The following PRKAR1B variants were observed in gnomAD, a reference collection of about 807,000 sequenced individuals.
PRKAR1B encodes protein kinase cAMP-dependent type I regulatory subunit beta.
In PRKAR1B, 22 loss-of-function variants were observed where a neutral mutation model predicts 46.5. The observed-to-expected ratio is 0.47, with a 90% CI of 0.34 to 0.68. The LOEUF is 0.68. Ranked by LOEUF, PRKAR1B falls within the 30% of genes least tolerant of loss-of-function variation. The pLI is 0.01. For synonymous variants in PRKAR1B, 259 were observed against 217.7 expected, an observed-to-expected ratio of 1.19 and a Z score of -1.67; for missense variants, 445 against 535.6, an observed-to-expected ratio of 0.83 and a Z score of 1.67.
intron 10 of PRKAR1B, 46 bp downstream of exon 10, chr7:551,343 G>A: frequency 6.5e-7 from 1 of 1,533,616 alleles, no homozygotes; most frequent in Non-Finnish European, 8.8e-7. Flanking sequence ...GACCCCAAAT[G>A]AGATGGCCAC....
At chr7:570,515 G>A (rs1026191232) in intron 9 of PRKAR1B, among the ~76,000 whole-genome samples, 11 of 151,650 alleles carry the variant, frequency 7.3e-5, no homozygotes, top group Admixed American at 2.6e-4. Context: ...TTCAATACCC[G>A]TCCCCCCACT....
rs576668774 is a variant in PRKAR1B, at chr7:570,445, G to A, written c.891+8811C>T. Among the ~76,000 whole-genome samples, 103 of 151,960 alleles carry A rather than the reference G, an allele frequency of 6.8e-4. 1 individual carries two copies. Among genetic ancestry groups the A allele is most frequent in the African/African-American group, 2.0e-3 (82 of 41,434 alleles). On this transcript the variant is annotated intron_variant, in intron 9 of 10. Transcript: ENST00000537384. ...TTGCGTAGCCTCGCCCCACCCTCCC[G>A]CGCTCCTGTGTCCCCGAGGCTGTCA... is the stretch of plus-strand genomic sequence containing the variant.
intron 4 of PRKAR1B, among the ~76,000 whole-genome samples, chr7:612,396 AGATG>A (rs1272172885): frequency 9.2e-5 from 13 of 140,724 alleles, no homozygotes; most frequent in Admixed American, 9.2e-4. Context: ...GTGGATGGAT[AGATG>A]GATGGATGGA....
intron 1 of PRKAR1B, among the ~76,000 whole-genome samples, chr7:724,491 C>T (rs187708460): frequency 1.2e-4 from 18 of 152,310 alleles, no homozygotes; most frequent in Non-Finnish European, 2.1e-4. Context: ...TTCCCGCCTT[C>T]GGCCATCATT....
Position 644,989 on chromosome 7 carries a change from C to G in PRKAR1B, c.440+32240G>C, listed in dbSNP as rs1784555376. 6.6e-6 allele frequency among the ~76,000 whole-genome samples: 1 copy of G among 152,222 alleles called. No homozygotes were observed. The highest frequency in any genetic ancestry group is 6.5e-5 in the Admixed American group (1 of 15,288). On this transcript the variant is annotated intron_variant, in intron 4 of 10. Transcript: ENST00000537384. The surrounding 1 kb of genome is among the most constrained non-coding windows in gnomAD (Gnocchi z 4.9). The stretch of plus-strand genomic sequence containing the variant: ...CCGCAATGAGCCGTCTCTTCAGCCT[C>G]TATAAATAAGGCGCAGTGTGGACGA...
At chr7:551,517 G>C (rs146439336) in intron 9 of PRKAR1B, 47 bp from the exon 10 acceptor site, 4 of 1,535,010 alleles carry the variant, frequency 2.6e-6, no homozygotes, top group South Asian at 1.2e-5. Context: ...GGCGGGTGCA[G>C]GGTGGGACAC....
intron 2 of PRKAR1B, among the ~76,000 whole-genome samples, chr7:708,587 A>AG: frequency 6.6e-6 from 1 of 152,186 alleles, no homozygotes; most frequent in East Asian, 1.9e-4. Flanking sequence ...CCCTGGTTCA[A>AG]ACAATTCTCC....
intron 7 of PRKAR1B, among the ~76,000 whole-genome samples, chr7:586,824 G>A (rs13240563): frequency 0.57 from 85,994 of 151,554 alleles, 25,167 homozygotes; most frequent in East Asian, 0.84. Context: ...TGCTGCCAGG[G>A]ACCCTCCCAG....
chr7:616,137 G>C (rs1174870561), intron 4 of PRKAR1B, among the ~76,000 whole-genome samples: 2 of 152,170 alleles, frequency 1.3e-5, no homozygotes, highest in East Asian at 3.9e-4. Flanking sequence ...CACACTGGGT[G>C]GGTCTCAGCC....
chr7:628,838 AAGGAC>A, intron 4 of PRKAR1B, among the ~76,000 whole-genome samples: 1 of 26,094 alleles, frequency 3.8e-5, no homozygotes, highest in South Asian at 5.1e-3. Flanking sequence ...AGTCAGGCTC[AAGGAC>A]CCCCCAAGTC....
At chr7:623,942 T>C (rs575182194) in intron 4 of PRKAR1B, among the ~76,000 whole-genome samples, 1 of 152,294 alleles carries the variant, frequency 6.6e-6, no homozygotes, top group South Asian at 2.1e-4. Context: ...AGGTGGAGGA[T>C]GGCAAATTCC....
chr7:705,636 C>G (rs1385480267), intron 2 of PRKAR1B, among the ~76,000 whole-genome samples: 1 of 152,144 alleles, frequency 6.6e-6, no homozygotes, highest in Non-Finnish European at 1.5e-5. Context: ...GGAAAGGATC[C>G]AAGTGTTCCT....
chr7:726,624 G>C, intron 1 of PRKAR1B: 9 of 986,212 alleles, frequency 9.1e-6, no homozygotes, highest in Non-Finnish European at 1.2e-5. Context: ...GAAGTAGCCC[G>C]GCGCCCCGCC....
intron 9 of PRKAR1B, among the ~76,000 whole-genome samples, chr7:576,878 AAC>A (rs1779864931): frequency 6.6e-6 from 1 of 152,086 alleles, no homozygotes; most frequent in Non-Finnish European, 1.5e-5. Flanking sequence ...TCTCCAGCGA[AAC>A]ACACACTTCC....
At chr7:629,995 C>T (rs921699485) in intron 4 of PRKAR1B, among the ~76,000 whole-genome samples, 1 of 145,390 alleles carries the variant, frequency 6.9e-6, no homozygotes, top group East Asian at 2.1e-4. Context: ...GCTGCAGGAG[C>T]GGGGCCACGG....
At chr7:662,532 T>C (rs1276840260) in intron 4 of PRKAR1B, among the ~76,000 whole-genome samples, 1 of 109,748 alleles carries the variant, frequency 9.1e-6, no homozygotes, top group Non-Finnish European at 1.8e-5. Flanking sequence ...AAATACCTAC[T>C]CTCCACCCAG....
chr7:720,376 C>T (rs925782561), intron 1 of PRKAR1B, among the ~76,000 whole-genome samples: 5 of 152,192 alleles, frequency 3.3e-5, no homozygotes, highest in Admixed American at 2.0e-4. Context: ...AAGTCTTCTA[C>T]ATTTGCTAAG....
intron 4 of PRKAR1B, 88 bp from the exon 5 acceptor site, chr7:607,540 A>G (rs1312717280): frequency 8.7e-6 from 10 of 1,144,352 alleles, no homozygotes; most frequent in South Asian, 5.1e-5. Context: ...TCTTGTGTAA[A>G]TCGCTTCACA....
At chr7:604,205 G>T (rs145397239) in intron 6 of PRKAR1B, among the ~76,000 whole-genome samples, 7 of 152,218 alleles carry the variant, frequency 4.6e-5, no homozygotes. Context: ...ATGCCCGGCT[G>T]GGATGCTGGC....
Sources: allele counts gnomAD v4.1 joint callset (sites outside exome capture counted in the v4.1 genomes callset), GRCh38; gene constraint gnomAD v4.1.1; non-coding constraint Gnocchi (gnomAD v3.1); transcripts MANE v1.5; gene names NCBI Gene and HGNC (gene_info 2026-07-23, HGNC 2026-07-21).